The following AMIGO3 variants were observed in gnomAD, a reference collection of about 807,000 sequenced individuals.
The protein encoded by AMIGO3 is adhesion molecule with Ig like domain 3.
Under a neutral mutation model 4.3 loss-of-function variants are expected in AMIGO3, and 6 were observed. The ratio of observed to expected loss-of-function variants is 1.39; its 90% CI spans 0.76 to 2.75. The LOEUF (loss-of-function observed/expected upper bound fraction) is 2.75. Ranked by LOEUF, AMIGO3 falls within the 30% of genes most tolerant of loss-of-function variation. The probability of loss-of-function intolerance (pLI) is 0.00; values close to 1 mark genes in which losing one functional copy is unlikely to be tolerated. For synonymous variants in AMIGO3, 315 were observed against 320.0 expected, an observed-to-expected ratio of 0.98 and a Z score of 0.17; for missense variants, 771 against 692.1, an observed-to-expected ratio of 1.11 and a Z score of -1.28.
In AMIGO3 at chr3:49,717,072, T is replaced by A. The variant is rs2080261875; in HGVS notation, c.*879A>T. On this transcript the variant is annotated 3_prime_UTR_variant, in exon 1 of 1. Transcript: ENST00000320431. ...GCTCCTGCTCTCGAGGGACGTGGAGTTCCGGCTCGGCCCTCCCAGCTCGGC... is the reference window on the plus strand; with the variant it reads ...GCTCCTGCTCTCGAGGGACGTGGAGATCCGGCTCGGCCCTCCCAGCTCGGC... 1 of 152,482 alleles carries A rather than the reference T, an allele frequency of 6.6e-6. No individual in the cohort carries two copies. Among genetic ancestry groups the A allele is most frequent in the Non-Finnish European group, 1.5e-5 (1 of 68,472 alleles). The allele number at this position is 152,482 out of a possible 1,614,324, so 9.4% of individuals were successfully genotyped here.
In AMIGO3 at chr3:49,719,185, TGGTCTA is replaced by T; in HGVS notation, c.275_280del (p.Leu92_Asp93del). The T allele has an allele frequency of 6.2e-7, 1 of 1,613,424 alleles. No individual in the cohort carries two copies. The highest frequency in any genetic ancestry group is 8.5e-7 in the Non-Finnish European group (1 of 1,179,940). ...GCGACCCAGCGCATCTAGTTCGTTG[TGGTCTA>T]GGTGCAGGGCGCGCAGCTGGAAGAG... On this transcript the variant is annotated inframe_deletion, in exon 1 of 1. Coordinates refer to ENST00000320431, the MANE Select transcript of AMIGO3 (RefSeq NM_198722.3).
rs2108206021 is a variant in AMIGO3, at chr3:49,719,353, C to G, written c.113G>C (p.Cys38Ser). ...GCTTAGCAGGTCGGCAGCGCAGATA[C>G]ATTTGTAGGGGCAGTTGTGGAGCGC... ...PRALHNCPYK[C>S]ICAADLLSCT... The change falls in exon 1 of 1, where the codon TGT becomes TCT. Residue 38 changes from cysteine to serine, a missense_variant. Cys to Ser is a moderately radical substitution (Grantham distance 112, BLOSUM62 -1). Transcript: ENST00000320431. 1 of 1,613,520 alleles carries G rather than the reference C, an allele frequency of 6.2e-7. No homozygotes were observed. The highest frequency in any genetic ancestry group is 8.5e-7 in the Non-Finnish European group (1 of 1,180,032).
Position 49,717,926 on chromosome 3 carries a change from C to A in AMIGO3, c.*25G>T. 1 of 1,594,732 alleles carries A rather than the reference C, an allele frequency of 6.3e-7. No individual in the cohort carries two copies. The highest frequency in any genetic ancestry group is 8.5e-7 in the Non-Finnish European group (1 of 1,170,802). ...AGGGCGAGCAGCAAGAGGGTGGGGGCCTGGGTGGGGGAGCCCTGGGCAGTC... is the reference window on the plus strand; with the variant it reads ...AGGGCGAGCAGCAAGAGGGTGGGGGACTGGGTGGGGGAGCCCTGGGCAGTC... On this transcript the variant is annotated 3_prime_UTR_variant, in exon 1 of 1. Transcript: ENST00000320431.
At position 49,718,366 on chromosome 3, in the gene AMIGO3, T is replaced by C. The variant is rs779856258; in HGVS notation, c.1100A>G (p.Tyr367Cys). ...PRLHHNQTHE[Y>C]NVSVHFPRPE... is the part of the protein sequence containing the mutation. ...GCGCGGAAAGTGCACGCTCACGTTG[T>C]ACTCGTGCGTCTGGTTGTGGTGCAG... Residue 367 changes from tyrosine to cysteine, a missense_variant, in exon 1 of 1, where the codon TAC (tyrosine) becomes TGC (cysteine). Transcript: ENST00000320431. 34 of 1,613,398 alleles carry C rather than the reference T, an allele frequency of 2.1e-5. No homozygotes were observed. Among genetic ancestry groups the C allele is most frequent in the Non-Finnish European group, 1.9e-5 (22 of 1,179,948 alleles).
chr3:49,718,517 C>G lies in AMIGO3; in HGVS notation c.949G>C (p.Glu317Gln). Reference sequence around the variant, plus strand: ...CGGGATCCTGGCGCCCTGAGAAGCTCCTGCTGCGGCGAAACCCAGGCAATG... The same window carrying G: ...CGGGATCCTGGCGCCCTGAGAAGCTGCTGCTGCGGCGAAACCCAGGCAATG... ...MRIAWVSPQQ[E>Q]LLRAPGSRDG... The change falls in exon 1 of 1, where the codon GAG becomes CAG. Residue 317 changes from glutamate to glutamine, a missense_variant. Coordinates refer to ENST00000320431, the MANE Select transcript of AMIGO3 (RefSeq NM_198722.3). The G allele has an allele frequency of 6.2e-7, 1 of 1,613,196 alleles. No homozygotes were observed. Among genetic ancestry groups the G allele is most frequent in the Non-Finnish European group, 8.5e-7 (1 of 1,179,960 alleles).
In AMIGO3 at chr3:49,719,410, C is replaced by A; in HGVS notation, c.56G>T (p.Gly19Val). 1 of 1,613,626 alleles carries A rather than the reference C, an allele frequency of 6.2e-7. No homozygotes were observed. Among genetic ancestry groups the A allele is most frequent in the Non-Finnish European group, 8.5e-7 (1 of 1,180,020 alleles). ...TLLCMLRVGLGTPDSEGFPPR... is the reference protein window; with the variant it reads ...TLLCMLRVGLVTPDSEGFPPR... ...CGGGAAACCCTCGGAGTCCGGGGTGCCTAACCCAACGCGCAGCATGCAGAG... is the reference window on the plus strand; with the variant it reads ...CGGGAAACCCTCGGAGTCCGGGGTGACTAACCCAACGCGCAGCATGCAGAG... Residue 19 changes from glycine (G) to valine (V), a missense_variant, in exon 1 of 1, where the codon GGC (glycine) becomes GTC (valine). Gly to Val is a moderately radical substitution (Grantham distance 109). Coordinates refer to ENST00000320431, the MANE Select transcript of AMIGO3 (RefSeq NM_198722.3).
rs1038066961 is a variant in AMIGO3, at chr3:49,717,651, C to T, written c.*300G>A. The stretch of plus-strand genomic sequence containing the variant: ...TGTTGAAAGCCACAGGGGCCTGGGT[C>T]TCTCAGCCTCACAGGGCATTTGGGC... On this transcript the variant is annotated 3_prime_UTR_variant, in exon 1 of 1. Transcript: ENST00000320431. 3 of 496,340 alleles carry T rather than the reference C, an allele frequency of 6.0e-6. No individual in the cohort carries two copies. The highest frequency in any genetic ancestry group is 7.3e-6 in the Non-Finnish European group (2 of 275,524). 30.7% of individuals were successfully genotyped at this position (496,340 alleles called of 1,614,324 possible).
In AMIGO3 at chr3:49,717,682, G is replaced by GAAGT. The variant is rs1452103493; in HGVS notation, c.*265_*268dup. 2 of 554,712 alleles carry GAAGT rather than the reference G, an allele frequency of 3.6e-6. No individual in the cohort carries two copies. The highest frequency in any genetic ancestry group is 6.5e-5 in the Admixed American group (2 of 30,882). The allele number at this position is 554,712 out of a possible 1,614,324, so 34.4% of individuals were successfully genotyped here. On this transcript the variant is annotated 3_prime_UTR_variant, in exon 1 of 1. Coordinates refer to ENST00000320431, the MANE Select transcript of AMIGO3 (RefSeq NM_198722.3). ...GCCTCACAGGGCATTTGGGCACTAG[G>GAAGT]AAGTCCGCGGGAAAGCAGGAACTAG...
In AMIGO3 at chr3:49,719,163, A is replaced by G. The variant is rs1162677530; in HGVS notation, c.303T>C (p.Gly101=). The change falls in exon 1 of 1, where the codon GGT becomes GGC. Residue 101 remains glycine (G), a synonymous_variant. Transcript: ENST00000320431. ...HLDHNELDAL[G]RGVFVNASGL... ...CGCTGGCGTTGACGAAGACGCCGCGACCCAGCGCATCTAGTTCGTTGTGGT... is the reference window on the plus strand; with the variant it reads ...CGCTGGCGTTGACGAAGACGCCGCGGCCCAGCGCATCTAGTTCGTTGTGGT... 4 of 1,613,354 alleles carry G rather than the reference A, an allele frequency of 2.5e-6. No homozygotes were observed. The highest frequency in any genetic ancestry group is 3.3e-5 in the Admixed American group (2 of 60,004).
rs138039032 is a variant in AMIGO3 at position 49,718,232 on chromosome 3, G to A, written c.1234C>T (p.Arg412Cys). ...GGCCAGCGGCGGCAGCGGCAGGCAC[G>A]GCGGCAGCAGCGGCAGGGTGGGGCG... ...LFAPPCRCCR[R>C]ACRCRRWPQT... The change falls in exon 1 of 1, where the codon CGT becomes TGT. Residue 412 changes from arginine (R) to cysteine (C), a missense_variant. Arg to Cys is a radical substitution (Grantham distance 180). Coordinates refer to ENST00000320431, the MANE Select transcript of AMIGO3 (RefSeq NM_198722.3). The A allele has an allele frequency of 1.9e-6, 3 of 1,611,736 alleles. No homozygotes were observed. Among genetic ancestry groups the A allele is most frequent in the African/African-American group, 1.3e-5 (1 of 74,888 alleles).
rs374640844 is a variant in AMIGO3 at position 49,719,144 on chromosome 3, C to T, written c.322G>A (p.Ala108Thr). 1.9e-5 allele frequency: 30 copies of T among 1,613,490 alleles called. 1 individual carries two copies. Among genetic ancestry groups the T allele is most frequent in the Admixed American group, 1.7e-4 (10 of 60,006 alleles). The change falls in exon 1 of 1, where the codon GCC (alanine) becomes ACC (threonine). Residue 108 changes from alanine (A) to threonine (T), a missense_variant. Transcript: ENST00000320431. ...AGATCGAGCAGCCTCAGGCCGCTGG[C>T]GTTGACGAAGACGCCGCGACCCAGC... ...DALGRGVFVN[A>T]SGLRLLDLSS...
chr3:49,717,766 T>C lies in AMIGO3; in HGVS notation c.*185A>G, dbSNP rs1234424339. 1.2e-5 allele frequency: 8 copies of C among 672,842 alleles called. No homozygotes were observed. Among genetic ancestry groups the C allele is most frequent in the South Asian group, 1.9e-5 (1 of 51,590 alleles). The allele number at this position is 672,842 out of a possible 1,614,324, so 41.7% of individuals were successfully genotyped here. A position where few individuals can be genotyped will look rare whatever the true frequency, so the allele number is the denominator to read the frequency against. On this transcript the variant is annotated 3_prime_UTR_variant, in exon 1 of 1. Transcript: ENST00000320431. ...GTGCAGGGGCAGAGCAGAAGGCAGG[T>C]TGGGGACCACAACCCCTGTCTCTAC...
Position 49,717,849 on chromosome 3 carries a change from G to T in AMIGO3, c.*102C>A. Reference sequence around the variant, plus strand: ...CCCATACAGGAAGCTGGGGGGCCAGGCACAGTGCTTCCCACCAGTATCTGC... The same window carrying T: ...CCCATACAGGAAGCTGGGGGGCCAGTCACAGTGCTTCCCACCAGTATCTGC... On this transcript the variant is annotated 3_prime_UTR_variant, in exon 1 of 1. Coordinates refer to ENST00000320431, the MANE Select transcript of AMIGO3 (RefSeq NM_198722.3). 7.7e-7 allele frequency: 1 copy of T among 1,294,528 alleles called. No homozygotes were observed. The highest frequency in any genetic ancestry group is 1.1e-6 in the Non-Finnish European group (1 of 943,546). The allele number at this position is 1,294,528 out of a possible 1,614,324, so 80.2% of individuals were successfully genotyped here.
In AMIGO3 at chr3:49,717,873, G is replaced by T. The variant is rs2080278804; in HGVS notation, c.*78C>A. 6.8e-7 allele frequency: 1 copy of T among 1,477,156 alleles called. No individual in the cohort carries two copies. Among genetic ancestry groups the T allele is most frequent in the Non-Finnish European group, 9.1e-7 (1 of 1,095,468 alleles). 91.5% of individuals were successfully genotyped at this position (1,477,156 alleles called of 1,614,324 possible). A position where few individuals can be genotyped will look rare whatever the true frequency, so the allele number is the denominator to read the frequency against. The stretch of plus-strand genomic sequence containing the variant: ...GGCACAGTGCTTCCCACCAGTATCT[G>T]CCAGTTCTCTGGACCGAAGCAGGGA... On this transcript the variant is annotated 3_prime_UTR_variant, in exon 1 of 1. Transcript: ENST00000320431.
Position 49,716,831 on chromosome 3 carries a change from G to A in AMIGO3, c.*1120C>T, listed in dbSNP as rs115601674. ...GCTGAACACACGGAGGACCGCCATT[G>A]TCTGCAAAGGCTCTAGCAATAAGCA... On this transcript the variant is annotated 3_prime_UTR_variant, in exon 1 of 1. Transcript: ENST00000320431. The A allele has an allele frequency of 8.4e-4, 200 of 237,792 alleles. 2 individuals are homozygous for A. The highest frequency in any genetic ancestry group is 4.2e-3 in the African/African-American group (191 of 45,054). 14.7% of individuals were successfully genotyped at this position (237,792 alleles called of 1,614,324 possible).
rs1464696539 is a variant in AMIGO3 at position 49,718,375 on chromosome 3, G to A, written c.1091C>T (p.Thr364Met). The A allele has an allele frequency of 1.9e-6, 3 of 1,613,286 alleles. No individual in the cohort carries two copies. The highest frequency in any genetic ancestry group is 2.5e-6 in the Non-Finnish European group (3 of 1,179,960). ...ATGPRLHHNQ[T>M]HEYNVSVHFP... The stretch of plus-strand genomic sequence containing the variant: ...GTGCACGCTCACGTTGTACTCGTGC[G>A]TCTGGTTGTGGTGCAGGCGGGGCCC... The change falls in exon 1 of 1, where the codon ACG (threonine) becomes ATG (methionine). Residue 364 changes from threonine (T) to methionine (M), a missense_variant. Physicochemically the swap from Thr to Met is moderately conservative, Grantham distance 81 (BLOSUM62 -1). Transcript: ENST00000320431.
Position 49,719,384 on chromosome 3 carries a change from G to A in AMIGO3, c.82C>T (p.Pro28Ser). 6.2e-7 allele frequency: 1 copy of A among 1,613,638 alleles called. No homozygotes were observed. The highest frequency in any genetic ancestry group is 2.2e-5 in the East Asian group (1 of 44,882). The stretch of plus-strand genomic sequence containing the variant: ...TAGGGGCAGTTGTGGAGCGCACGGG[G>A]CGGGAAACCCTCGGAGTCCGGGGTG... ...LGTPDSEGFP[P>S]RALHNCPYKC... Residue 28 changes from proline (P) to serine (S), a missense_variant, in exon 1 of 1, where the codon CCC becomes TCC. Physicochemically the swap from Pro to Ser is moderately conservative, Grantham distance 74. Transcript: ENST00000320431.
rs1411231797 is a variant in AMIGO3, at chr3:49,719,494, C to T, written c.-29G>A. Reference sequence around the variant, plus strand: ...GGCGACCACCAGGGACAGTACAGAGCAGCTCTGTGCAGGTTGCAGTTCCAG... The same window carrying T: ...GGCGACCACCAGGGACAGTACAGAGTAGCTCTGTGCAGGTTGCAGTTCCAG... On this transcript the variant is annotated 5_prime_UTR_variant, in exon 1 of 1. Transcript: ENST00000320431. 6 of 1,558,396 alleles carry T rather than the reference C, an allele frequency of 3.9e-6. No individual in the cohort carries two copies. Among genetic ancestry groups the T allele is most frequent in the African/African-American group, 1.4e-5 (1 of 73,298 alleles).
Position 49,718,103 on chromosome 3 carries a change from C to T in AMIGO3, c.1363G>A (p.Val455Ile). 6.2e-7 allele frequency: 1 copy of T among 1,613,624 alleles called. No individual in the cohort carries two copies. Among genetic ancestry groups the T allele is most frequent in the South Asian group, 1.1e-5 (1 of 91,092 alleles). ...SRKASVHKHV[V>I]FLEPGRRGLN... ...CCCCTCCGGCCTGGCTCCAGAAAGA[C>T]TACGTGCTTGTGGACGCTGGCCTTG... The change falls in exon 1 of 1, where the codon GTC (valine) becomes ATC (isoleucine). Residue 455 changes from valine (V) to isoleucine (I), a missense_variant. By Grantham distance (29) the Val-to-Ile change is conservative. Transcript: ENST00000320431.
Sources: gnomAD v4.1 joint callset for allele counts on GRCh38, gnomAD v4.1.1 for gene constraint, MANE v1.5 for transcripts, NCBI Gene and HGNC (gene_info 2026-07-23, HGNC 2026-07-21) for gene names.